The following ZNF644 variants were observed in gnomAD, a reference collection of about 807,000 sequenced individuals.
ZNF644 encodes zinc finger protein 644, also known as zinc finger motif enhancer binding protein 2.
In ZNF644, 20 loss-of-function variants were observed where a neutral mutation model predicts 108.0. That is an observed-to-expected ratio of 0.19 (90% CI 0.13 to 0.27). ZNF644 has a LOEUF of 0.27. Among genes scored for constraint, ZNF644 ranks in the 10% least tolerant of loss-of-function variants. The probability of loss-of-function intolerance (pLI) is 1.00; values close to 1 mark genes in which losing one functional copy is unlikely to be tolerated. For synonymous variants in ZNF644, 542 were observed against 539.1 expected (o/e 1.01, Z -0.08); for missense variants, 1,338 against 1,548.9 (o/e 0.86, Z 2.29).
chr1:90,955,840 T>C (rs1653698955), intron 2 of ZNF644, among the ~76,000 whole-genome samples: 1 of 152,232 alleles, frequency 6.6e-6, no homozygotes, highest in Non-Finnish European at 1.5e-5. Context: ...TTTCAAGAAC[T>C]TTTCTTTTGC....
chr1:90,920,712 C>T (rs1452923565), intron 4 of ZNF644, among the ~76,000 whole-genome samples: 4 of 151,914 alleles, frequency 2.6e-5, no homozygotes, highest in African/African-American at 9.7e-5. Flanking sequence ...GACAACTCTG[C>T]CAGCTTATGA....
intron 1 of ZNF644, among the ~76,000 whole-genome samples, chr1:90,999,836 G>C (rs1400676295): frequency 3.3e-5 from 5 of 152,120 alleles, no homozygotes; most frequent in Non-Finnish European, 5.9e-5. Context: ...TAAAGGGATG[G>C]AAGAAGATCT....
intron 2 of ZNF644, among the ~76,000 whole-genome samples, chr1:90,975,736 G>T (rs1171479494): frequency 1.3e-5 from 2 of 152,078 alleles, no homozygotes; most frequent in African/African-American, 2.4e-5. Flanking sequence ...GAGCCACCAC[G>T]CCTGGCCTCA....
At chr1:90,954,411 C>CT (rs907082184) in intron 2 of ZNF644, among the ~76,000 whole-genome samples, 3,099 of 145,300 alleles carry the variant, frequency 0.021, 34 homozygotes, top group Middle Eastern at 0.059. Flanking sequence ...TCAGGTTCCA[C>CT]TTTTTTTTTT....
chr1:90,927,424 G>C (rs1451101343), intron 4 of ZNF644, among the ~76,000 whole-genome samples: 1 of 152,106 alleles, frequency 6.6e-6, no homozygotes, highest in East Asian at 1.9e-4. Context: ...ACAATTAGTA[G>C]AGTATCTATA....
chr1:91,010,405 ATTT>A (rs35003941), intron 1 of ZNF644, among the ~76,000 whole-genome samples: 3 of 132,616 alleles, frequency 2.3e-5, no homozygotes, highest in African/African-American at 5.6e-5. Context: ...CGCTTGGCTA[ATTT>A]TTTTTTTTTT....
chr1:90,960,979 A>T (rs1295809406), intron 2 of ZNF644, among the ~76,000 whole-genome samples: 2 of 152,134 alleles, frequency 1.3e-5, no homozygotes, highest in East Asian at 1.9e-4. Context: ...AACAAAAATG[A>T]AGAGAATTTC....
chr1:90,980,934 A>T (rs1656486672), intron 2 of ZNF644, among the ~76,000 whole-genome samples: 1 of 152,104 alleles, frequency 6.6e-6, no homozygotes, highest in Admixed American at 6.5e-5. Context: ...CTATACCTCA[A>T]ATTTTATGTT....
chr1:90,980,730 T>C (rs939704894), intron 2 of ZNF644, among the ~76,000 whole-genome samples: 1 of 152,146 alleles, frequency 6.6e-6, no homozygotes, highest in Non-Finnish European at 1.5e-5. Context: ...GAGTACATAC[T>C]ATATATAAAA....
chr1:90,952,534 C>T (rs1007823382), intron 2 of ZNF644, among the ~76,000 whole-genome samples: 1 of 151,928 alleles, frequency 6.6e-6, no homozygotes, highest in African/African-American at 2.4e-5. Flanking sequence ...CACTGAGAAG[C>T]TTCCAACAGA....
chr1:90,986,742 A>G (rs1024729137), intron 1 of ZNF644, among the ~76,000 whole-genome samples: 12 of 152,058 alleles, frequency 7.9e-5, no homozygotes, highest in African/African-American at 4.8e-5. Context: ...ATTAACTCCG[A>G]AAGTTCAGAA....
chr1:91,014,785 T>C (rs1309988885), intron 1 of ZNF644, among the ~76,000 whole-genome samples: 1 of 152,152 alleles, frequency 6.6e-6, no homozygotes, highest in Non-Finnish European at 1.5e-5. Context: ...TGCTAAGTTT[T>C]AAAACTAGGA....
At chr1:90,948,268 GC>G (rs1434769237) in intron 2 of ZNF644, among the ~76,000 whole-genome samples, 1 of 152,200 alleles carries the variant, frequency 6.6e-6, no homozygotes, top group East Asian at 1.9e-4. Context: ...GAACTTAAAA[GC>G]TAAGAATGTT....
At chr1:90,945,440 T>TA (rs945390385) in intron 2 of ZNF644, among the ~76,000 whole-genome samples, 2 of 152,044 alleles carry the variant, frequency 1.3e-5, no homozygotes, top group Non-Finnish European at 2.9e-5. Context: ...CTGTGAGCAC[T>TA]AAAAAAATTG....
chr1:90,941,423 G>A (rs1302892783), intron 2 of ZNF644, 114 bp from the exon 3 acceptor site: 1 of 926,436 alleles, frequency 1.1e-6, no homozygotes, highest in South Asian at 1.8e-5. Flanking sequence ...TCTTTATATT[G>A]AGATTCTAAT....
At chr1:91,019,724 G>A (rs1350315223) in intron 1 of ZNF644, among the ~76,000 whole-genome samples, 1 of 152,008 alleles carries the variant, frequency 6.6e-6, no homozygotes, top group African/African-American at 2.4e-5. Context: ...GCACCACCAC[G>A]CCCAGGAAAT....
chr1:90,964,278 G>A (rs984121876), intron 2 of ZNF644, among the ~76,000 whole-genome samples: 11 of 151,590 alleles, frequency 7.3e-5, no homozygotes, highest in Non-Finnish European at 1.5e-4. Context: ...TACATATCTT[G>A]GAAAACATTA....
intron 4 of ZNF644, chr1:90,935,358 A>T: frequency 3.2e-5 from 32 of 985,878 alleles, no homozygotes; most frequent in Non-Finnish European, 3.6e-5. Context: ...TGGGGAAAAA[A>T]AAAGTGTATT....
At chr1:90,986,066 T>C (rs577220965) in intron 1 of ZNF644, among the ~76,000 whole-genome samples, 44 of 152,190 alleles carry the variant, frequency 2.9e-4, no homozygotes, top group South Asian at 1.0e-3. Flanking sequence ...AGAAATATAA[T>C]TGGAATATTA....
Sources: gnomAD v4.1 joint callset for allele counts (sites outside exome capture counted in the v4.1 genomes callset) on GRCh38, gnomAD v4.1.1 for gene constraint, MANE v1.5 for transcripts, NCBI Gene and HGNC (gene_info 2026-07-23, HGNC 2026-07-21) for gene names.